The following KCNJ16 variants were observed in gnomAD, a reference collection of about 807,000 sequenced individuals.
KCNJ16 encodes potassium inwardly rectifying channel subfamily J member 16.
A neutral mutation model predicts 18.5 loss-of-function variants in KCNJ16; 15 were observed. The ratio of observed to expected loss-of-function variants is 0.81; its 90% CI spans 0.54 to 1.25. KCNJ16 has a LOEUF of 1.25. Among genes scored for constraint, KCNJ16 ranks in the 50% most tolerant of loss-of-function variants. The pLI is 0.00. For missense variants in KCNJ16, 523 were observed against 525.7 expected (o/e 0.99, Z 0.05); for synonymous variants, 174 against 186.5 (o/e 0.93, Z 0.55).
chr17:70,121,721 T>C (rs6501378), intron 2 of KCNJ16, among the ~76,000 whole-genome samples: 10,701 of 152,050 alleles, frequency 0.07, 1,268 homozygotes, highest in African/African-American at 0.24. Flanking sequence ...CTTGAGGCCA[T>C]GAGTTCAAGA....
intron 1 of KCNJ16, among the ~76,000 whole-genome samples, chr17:70,085,933 T>C (rs374460946): frequency 2.0e-5 from 3 of 152,168 alleles, no homozygotes; most frequent in East Asian, 3.8e-4. Flanking sequence ...CTAACGAAAG[T>C]AATGTTTTAT....
At chr17:70,096,327 CT>C (rs1473787635) in intron 1 of KCNJ16, among the ~76,000 whole-genome samples, 2 of 152,088 alleles carry the variant, frequency 1.3e-5, no homozygotes, top group Non-Finnish European at 2.9e-5. Flanking sequence ...CAAATTGGCT[CT>C]ATTTTCTTAG....
At chr17:70,126,445 CAAT>C (rs2073858853) in intron 2 of KCNJ16, among the ~76,000 whole-genome samples, 1 of 152,186 alleles carries the variant, frequency 6.6e-6, no homozygotes, top group Non-Finnish European at 1.5e-5. Flanking sequence ...CAGATTCAAA[CAAT>C]AATTATTGAA....
Position 70,132,301 on chromosome 17 carries a change from C to T in KCNJ16, c.214C>T (p.His72Tyr). Residue 72 changes from histidine to tyrosine, a missense_variant, in exon 4 of 4, where the codon CAT becomes TAT. Coordinates refer to ENST00000392671, the MANE Select transcript of KCNJ16 (RefSeq NM_170741.4). The stretch of plus-strand genomic sequence containing the variant: ...CACTCTTGTGGACACCAAGTGGCGC[C>T]ATATGTTTGTGATATTTTCTTTATC... ...FTTLVDTKWR[H>Y]MFVIFSLSYI... 6.2e-7 allele frequency: 1 copy of T among 1,614,142 alleles called. No individual in the cohort carries two copies. Among genetic ancestry groups the T allele is most frequent in the Non-Finnish European group, 8.5e-7 (1 of 1,180,010 alleles).
intron 2 of KCNJ16, among the ~76,000 whole-genome samples, chr17:70,108,541 G>A (rs1031322585): frequency 2.6e-5 from 4 of 152,226 alleles, no homozygotes; most frequent in Middle Eastern, 3.4e-3. Context: ...TAAAGTGGCC[G>A]TGTCCCAGTG....
intron 1 of KCNJ16, among the ~76,000 whole-genome samples, chr17:70,083,537 T>C (rs936809647): frequency 2.0e-5 from 3 of 152,128 alleles, no homozygotes; most frequent in Non-Finnish European, 2.9e-5. Context: ...GTTACAATCA[T>C]GTACAGCATT....
rs2074174864 is a variant in KCNJ16, at chr17:70,134,873, A to G, written c.*1529A>G. 1 of 167,066 alleles carries G rather than the reference A, an allele frequency of 6.0e-6. No individual in the cohort carries two copies. The highest frequency in any genetic ancestry group is 2.4e-5 in the African/African-American group (1 of 41,476). 10.3% of individuals were successfully genotyped at this position (167,066 alleles called of 1,614,324 possible). On this transcript the variant is annotated 3_prime_UTR_variant, in exon 4 of 4. Transcript: ENST00000392671. Reference sequence around the variant, plus strand: ...TGAAGTAATTACATAGTCCAAGATTAGAAATACAAGTAAAATATATAGGTA... The same window carrying G: ...TGAAGTAATTACATAGTCCAAGATTGGAAATACAAGTAAAATATATAGGTA...
At chr17:70,077,265 T>C (rs1338246856) in intron 1 of KCNJ16, among the ~76,000 whole-genome samples, 1 of 152,154 alleles carries the variant, frequency 6.6e-6, no homozygotes, top group Non-Finnish European at 1.5e-5. Context: ...GAGAAGGTTT[T>C]TGAGATGTTA....
intron 2 of KCNJ16, chr17:70,108,518 A>G (rs967335694): frequency 6.6e-6 from 1 of 152,176 alleles, no homozygotes; most frequent in Non-Finnish European, 1.5e-5. Context: ...TGACCACATC[A>G]ACATATCTGC....
Position 70,130,877 on chromosome 17 carries a change from A to G in KCNJ16, c.-190-2A>G. Reference sequence around the variant, plus strand: ...ACTTTTATTTTTGTTTGTTTTGCACAGGAGTAACTCAAGATGATTTTGATG... The same window carrying G: ...ACTTTTATTTTTGTTTGTTTTGCACGGGAGTAACTCAAGATGATTTTGATG... On this transcript the variant is annotated splice_acceptor_variant, in intron 2 of 3. Coordinates refer to ENST00000392671, the MANE Select transcript of KCNJ16 (RefSeq NM_170741.4). LOFTEE classifies it low-confidence loss of function (5UTR_SPLICE). 8.4e-7 allele frequency: 1 copy of G among 1,188,792 alleles called. No homozygotes were observed. Among genetic ancestry groups the G allele is most frequent in the Non-Finnish European group, 1.2e-6 (1 of 830,784 alleles). The allele number at this position is 1,188,792 out of a possible 1,614,324, so 73.6% of individuals were successfully genotyped here. A position where few individuals can be genotyped will look rare whatever the true frequency, so the allele number is the denominator to read the frequency against.
intron 1 of KCNJ16, among the ~76,000 whole-genome samples, chr17:70,076,915 G>A (rs1168107023): frequency 6.6e-6 from 1 of 152,182 alleles, no homozygotes; most frequent in African/African-American, 2.4e-5. Flanking sequence ...TTGAGTTCCA[G>A]CATAAGAAGA....
Position 70,132,823 on chromosome 17 carries a change from A to G in KCNJ16, c.736A>G (p.Ile246Val). The G allele has an allele frequency of 6.2e-7, 1 of 1,613,996 alleles. No homozygotes were observed. Among genetic ancestry groups the G allele is most frequent in the Non-Finnish European group, 8.5e-7 (1 of 1,180,034 alleles). ...KDLKLVNDQI[I>V]LVTPVTIVHE... Reference sequence around the variant, plus strand: ...CCTCAAATTAGTCAACGACCAAATCATCCTGGTCACCCCGGTAACTATTGT... The same window carrying G: ...CCTCAAATTAGTCAACGACCAAATCGTCCTGGTCACCCCGGTAACTATTGT... The change falls in exon 4 of 4, where the codon ATC (isoleucine) becomes GTC (valine). Residue 246 changes from isoleucine (I) to valine (V), a missense_variant. Transcript: ENST00000392671.
chr17:70,084,658 C>T (rs1598088279), intron 1 of KCNJ16, among the ~76,000 whole-genome samples: 1 of 152,094 alleles, frequency 6.6e-6, no homozygotes, highest in South Asian at 2.1e-4. Flanking sequence ...ATAGCAACCA[C>T]GTCCCCTACA....
chr17:70,088,116 T>C (rs1598095421), intron 1 of KCNJ16, among the ~76,000 whole-genome samples: 1 of 152,198 alleles, frequency 6.6e-6, no homozygotes, highest in South Asian at 2.1e-4. Flanking sequence ...ACTGTTTTCT[T>C]TTCAAATTGG....
In KCNJ16 at chr17:70,132,510, A is replaced by C; in HGVS notation, c.423A>C (p.Glu141Asp). The change falls in exon 4 of 4, where the codon GAA becomes GAC. Residue 141 changes from glutamate (E) to aspartate (D), a missense_variant. Glu to Asp is a conservative substitution (Grantham distance 45, BLOSUM62 2). Transcript: ENST00000392671. Reference sequence around the variant, plus strand: ...GATATGGTTATCGCTGTGTTACTGAAGAATGTTCTGTGGCCGTGCTCATGG... The same window carrying C: ...GATATGGTTATCGCTGTGTTACTGACGAATGTTCTGTGGCCGTGCTCATGG... ...TIGYGYRCVTEECSVAVLMVI... is the reference protein window; with the variant it reads ...TIGYGYRCVTDECSVAVLMVI... The C allele has an allele frequency of 1.9e-6, 3 of 1,614,176 alleles. No individual in the cohort carries two copies. Among genetic ancestry groups the C allele is most frequent in the South Asian group, 2.2e-5 (2 of 91,090 alleles).
At position 70,106,716 on chromosome 17, in the gene KCNJ16, A is replaced by C. The variant is rs994318572; in HGVS notation, c.-191+5950A>C. ...TAATCTTCAGCTTTCAGACATCCAC[A>C]TTCCACCCTGGACCTTGCCTGTCTG... On this transcript the variant is annotated intron_variant, in intron 2 of 3. Transcript: ENST00000392671. 3.3e-5 allele frequency among the ~76,000 whole-genome samples: 5 copies of C among 152,168 alleles called. 1 individual carries two copies. Among genetic ancestry groups the C allele is most frequent in the African/African-American group, 1.2e-4 (5 of 41,434 alleles).
In KCNJ16 at chr17:70,120,608, T is replaced by C. The variant is rs145402568; in HGVS notation, c.-190-10271T>C. Among the ~76,000 whole-genome samples the C allele has an allele frequency of 1.9e-3, 287 of 152,050 alleles. 1 individual carries two copies. Among genetic ancestry groups the C allele is most frequent in the African/African-American group, 6.6e-3 (274 of 41,456 alleles). On this transcript the variant is annotated intron_variant, in intron 2 of 3. Coordinates refer to ENST00000392671, the MANE Select transcript of KCNJ16 (RefSeq NM_170741.4). ...GTGAAGGGAGAGCAAGCACTCCACA[T>C]GGTGAAAGCAGAAGTAAGCAAAAGA...
At chr17:70,099,177 C>T (rs2072516086) in intron 1 of KCNJ16, among the ~76,000 whole-genome samples, 1 of 152,182 alleles carries the variant, frequency 6.6e-6, no homozygotes, top group African/African-American at 2.4e-5. Context: ...ACTTCTGACC[C>T]ATGATTTTCA....
chr17:70,125,941 A>AG (rs1307142662), intron 2 of KCNJ16, among the ~76,000 whole-genome samples: 1 of 152,096 alleles, frequency 6.6e-6, no homozygotes, highest in Admixed American at 6.5e-5. Context: ...AAAAAAAAAA[A>AG]GAAAAATAGA....
Sources: allele counts gnomAD v4.1 joint callset (sites outside exome capture counted in the v4.1 genomes callset), GRCh38; gene constraint gnomAD v4.1.1; transcripts MANE v1.5; gene names NCBI Gene and HGNC (gene_info 2026-07-23, HGNC 2026-07-21).